PDE7A: variants seen among roughly 807,000 people sequenced by gnomAD.
The protein encoded by PDE7A is phosphodiesterase 7A.
In PDE7A, 39 loss-of-function variants were observed where a neutral mutation model predicts 64.3. The observed-to-expected ratio is 0.61, with a 90% CI of 0.47 to 0.79. PDE7A has a LOEUF of 0.79. Among genes scored for constraint, PDE7A ranks in the 30% least tolerant of loss-of-function variants. The pLI is 0.00. For synonymous variants in PDE7A, 203 were observed against 206.8 expected (o/e 0.98, Z 0.16); for missense variants, 470 against 582.8 (o/e 0.81, Z 1.99).
intron 1 of PDE7A, among the ~76,000 whole-genome samples, chr8:65,834,779 A>C (rs1166452442): frequency 6.6e-6 from 1 of 152,164 alleles, no homozygotes; most frequent in Non-Finnish European, 1.5e-5. Flanking sequence ...CAAAATTGCT[A>C]CTCAAAGAAA....
intron 7 of PDE7A, chr8:65,727,964 CAATA>C (rs1047115010): frequency 2.0e-5 from 3 of 152,158 alleles, no homozygotes; most frequent in African/African-American, 7.2e-5. Context: ...TTAATAATCA[CAATA>C]AATAAAAGTT....
At chr8:65,776,180 T>C (rs1160387031) in intron 3 of PDE7A, among the ~76,000 whole-genome samples, 1 of 152,204 alleles carries the variant, frequency 6.6e-6, no homozygotes, top group Admixed American at 6.5e-5. Context: ...CAAGATTCAC[T>C]TGATTTAGTG....
At chr8:65,754,463 G>A (rs988864085) in intron 3 of PDE7A, among the ~76,000 whole-genome samples, 8 of 151,276 alleles carry the variant, frequency 5.3e-5, no homozygotes, top group Non-Finnish European at 7.4e-5. Context: ...TCAGGCTCCC[G>A]AGTAGCTGGG....
intron 5 of PDE7A, among the ~76,000 whole-genome samples, chr8:65,744,451 C>T (rs1419354504): frequency 1.3e-5 from 2 of 152,188 alleles, no homozygotes; most frequent in Non-Finnish European, 2.9e-5. Context: ...CCTTTTCCTA[C>T]AGAACATGTT....
At chr8:65,727,036 C>T (rs1177657603) in intron 8 of PDE7A, 70 bp from the exon 9 acceptor site, 20 of 976,202 alleles carry the variant, frequency 2.0e-5, no homozygotes, top group African/African-American at 4.8e-5. Flanking sequence ...ACTAACAATA[C>T]TGTTAGCAAT....
At chr8:65,817,269 ATC>A (rs1422349811) in intron 1 of PDE7A, among the ~76,000 whole-genome samples, 1 of 152,204 alleles carries the variant, frequency 6.6e-6, no homozygotes. Context: ...GCTAATTAAT[ATC>A]TTACATAACT....
chr8:65,820,744 T>C (rs1191199882), intron 1 of PDE7A, among the ~76,000 whole-genome samples: 2 of 152,026 alleles, frequency 1.3e-5, no homozygotes, highest in Non-Finnish European at 1.5e-5. Flanking sequence ...CGCACACCAC[T>C]ATGCCAGGCT....
chr8:65,823,377 T>C (rs1288102310), intron 1 of PDE7A, among the ~76,000 whole-genome samples: 4 of 152,218 alleles, frequency 2.6e-5, no homozygotes, highest in Non-Finnish European at 2.9e-5. Flanking sequence ...AATTGTCCTC[T>C]TGTATGTTAT....
chr8:65,735,017 G>T (rs987503324), intron 6 of PDE7A, 123 bp from the exon 7 acceptor site: 1 of 646,464 alleles, frequency 1.5e-6, no homozygotes. Flanking sequence ...AAATCGTGCC[G>T]ATTCGGGCAG....
intron 3 of PDE7A, 82 bp downstream of exon 3, chr8:65,779,638 T>G (rs1585911543): frequency 2.8e-6 from 2 of 723,458 alleles, no homozygotes; most frequent in Non-Finnish European, 4.6e-6. Flanking sequence ...TTTTCTGGTA[T>G]TCTTTTTCCC....
At chr8:65,835,934 A>G (rs79739828) in intron 1 of PDE7A, among the ~76,000 whole-genome samples, 6,723 of 152,322 alleles carry the variant, frequency 0.044, 232 homozygotes, top group African/African-American at 0.1. Context: ...CTATGGATTT[A>G]CATTAATATT....
intron 1 of PDE7A, among the ~76,000 whole-genome samples, chr8:65,828,766 C>A (rs1298757846): frequency 6.6e-6 from 1 of 152,034 alleles, no homozygotes; most frequent in Non-Finnish European, 1.5e-5. Context: ...TCAGTCTTCA[C>A]CAATATGAAA....
intron 1 of PDE7A, among the ~76,000 whole-genome samples, chr8:65,809,619 T>C (rs1001112415): frequency 2.6e-5 from 4 of 152,178 alleles, no homozygotes; most frequent in Non-Finnish European, 2.9e-5. Context: ...AAAAGGCTAA[T>C]ATCCAGAATC....
rs1253652931 is a variant in PDE7A, at chr8:65,747,797, G to A, written c.290C>T (p.Ser97Phe). 1 of 1,600,408 alleles carries A rather than the reference G, an allele frequency of 6.2e-7. No homozygotes were observed. The highest frequency in any genetic ancestry group is 8.5e-7 in the Non-Finnish European group (1 of 1,171,754). The change falls in exon 4 of 13, where the codon TCT becomes TTT. Residue 97 changes from serine to phenylalanine, a missense_variant. Transcript: ENST00000401827. ...YIDFRIFHSQ[S>F]EIEVSVSARN... ...TGCAGAGACAGACACTTCAATTTCAGATTGAGCTGAAATAAAAAGAATAAA... is the reference window on the plus strand; with the variant it reads ...TGCAGAGACAGACACTTCAATTTCAAATTGAGCTGAAATAAAAAGAATAAA...
chr8:65,807,968 A>C (rs1810149667), intron 1 of PDE7A, among the ~76,000 whole-genome samples: 1 of 152,188 alleles, frequency 6.6e-6, no homozygotes. Context: ...GTTACTTGCC[A>C]CTAAAGAAAT....
chr8:65,785,440 C>CTTCT (rs1355877442), intron 1 of PDE7A, among the ~76,000 whole-genome samples: 1 of 152,136 alleles, frequency 6.6e-6, no homozygotes, highest in Non-Finnish European at 1.5e-5. Context: ...TGGCATCATG[C>CTTCT]TTAAAGTGTC....
At chr8:65,727,525 G>T in intron 7 of PDE7A, 1 of 449,332 alleles carries the variant, frequency 2.2e-6, no homozygotes, top group Non-Finnish European at 3.9e-6. Context: ...CTGCCCATGT[G>T]GAGTTTACAG....
chr8:65,769,911 A>C (rs1200323847), intron 3 of PDE7A, among the ~76,000 whole-genome samples: 2 of 152,226 alleles, frequency 1.3e-5, no homozygotes, highest in Non-Finnish European at 2.9e-5. Context: ...AAACAAAAAC[A>C]AAACAGAAAA....
chr8:65,758,354 G>A (rs1202206810), intron 3 of PDE7A, among the ~76,000 whole-genome samples: 2 of 152,162 alleles, frequency 1.3e-5, no homozygotes, highest in African/African-American at 4.8e-5. Flanking sequence ...TGTAGTCCTA[G>A]GACTACTGTA....
Sources: allele counts gnomAD v4.1 joint callset (sites outside exome capture counted in the v4.1 genomes callset), GRCh38; gene constraint gnomAD v4.1.1; transcripts MANE v1.5; gene names NCBI Gene and HGNC (gene_info 2026-07-23, HGNC 2026-07-21).